ZNF76: variants seen among roughly 807,000 people sequenced by gnomAD.
ZNF76 encodes the protein zinc finger protein 76.
In ZNF76, 66 loss-of-function variants were observed where a neutral mutation model predicts 66.9. The ratio of observed to expected loss-of-function variants is 0.99; its 90% CI spans 0.81 to 1.21. The LOEUF is 1.21. Among genes scored for constraint, ZNF76 ranks in the 50% most tolerant of loss-of-function variants. The pLI is 0.00. For synonymous variants in ZNF76, 275 were observed against 296.1 expected (o/e 0.93, Z 0.73); for missense variants, 729 against 760.3 (o/e 0.96, Z 0.48).
rs1205026291 is a variant in ZNF76, at chr6:35,295,462, T to C, written c.*214T>C. ...CTGGAATCAGGGGAGTGCATCATCC[T>C]CGGGAGCTGACAACAGCCAGGCTAC... On this transcript the variant is annotated 3_prime_UTR_variant, in exon 14 of 14. Transcript: ENST00000373953. 7 of 582,584 alleles carry C rather than the reference T, an allele frequency of 1.2e-5. No individual in the cohort carries two copies. The highest frequency in any genetic ancestry group is 2.2e-5 in the Non-Finnish European group (7 of 316,766). 36.1% of individuals were successfully genotyped at this position (582,584 alleles called of 1,614,324 possible). A position where few individuals can be genotyped will look rare whatever the true frequency, so the allele number is the denominator to read the frequency against.
In ZNF76 at chr6:35,292,620, A is replaced by ATAAG; in HGVS notation, c.999_1002dup (p.His335Ter). 1 of 1,614,028 alleles carries ATAAG rather than the reference A, an allele frequency of 6.2e-7. No individual in the cohort carries two copies. Among genetic ancestry groups the ATAAG allele is most frequent in the Non-Finnish European group, 8.5e-7 (1 of 1,180,034 alleles). ...CGCTTCACCGAGTACTCGAGCTTGT[A>ATAAG]TAAGCACCACGTGGTGCACACACAC... On this transcript the variant is annotated frameshift_variant, in exon 10 of 14. Transcript: ENST00000373953. LOFTEE classifies it high-confidence loss of function. The surrounding 1 kb of genome is among the most constrained non-coding windows in gnomAD (Gnocchi z 4.7).
chr6:35,278,031 T>C (rs1788173925), intron 1 of ZNF76, among the ~76,000 whole-genome samples: 1 of 152,086 alleles, frequency 6.6e-6, no homozygotes, highest in East Asian at 1.9e-4. Flanking sequence ...TAATTTTTTG[T>C]ATTTTTAGTA....
intron 1 of ZNF76, among the ~76,000 whole-genome samples, chr6:35,260,219 T>C (rs1258288307): frequency 6.6e-6 from 1 of 152,062 alleles, no homozygotes; most frequent in Non-Finnish European, 1.5e-5. Context: ...TCAGTTTTAA[T>C]CCGGTGACTC....
At chr6:35,267,729 G>C (rs1428971366) in intron 1 of ZNF76, among the ~76,000 whole-genome samples, 3 of 152,234 alleles carry the variant, frequency 2.0e-5, no homozygotes, top group African/African-American at 7.2e-5. Context: ...TGGGGCTGGA[G>C]TGTGACATTA....
At chr6:35,288,554 G>A (rs1006205829) in intron 5 of ZNF76, among the ~76,000 whole-genome samples, 4 of 152,218 alleles carry the variant, frequency 2.6e-5, no homozygotes, top group African/African-American at 7.2e-5. Context: ...CTTCCTGCAC[G>A]TTCCTTCCTT....
chr6:35,293,958 C>T (rs1446374437), intron 12 of ZNF76, 43 bp downstream of exon 12: 1 of 1,604,938 alleles, frequency 6.2e-7, no homozygotes, highest in African/African-American at 1.3e-5. Context: ...TTTTGTCATT[C>T]CTTTCCATGG....
intron 1 of ZNF76, among the ~76,000 whole-genome samples, chr6:35,260,361 C>T (rs1785049161): frequency 6.6e-6 from 1 of 152,008 alleles, no homozygotes. Context: ...ACTCTGCTGG[C>T]GACTCCTAAG....
intron 2 of ZNF76, among the ~76,000 whole-genome samples, chr6:35,282,419 G>A (rs1788912330): frequency 6.6e-6 from 1 of 151,768 alleles, no homozygotes; most frequent in Non-Finnish European, 1.5e-5. Flanking sequence ...TGGGCATCCT[G>A]TATTTTATCT....
At chr6:35,290,753 G>A in intron 7 of ZNF76, 37 bp downstream of exon 7, 1 of 1,605,400 alleles carries the variant, frequency 6.2e-7, no homozygotes, top group East Asian at 2.2e-5. Context: ...GTTGAGGGTG[G>A]AGGGTTCTCG....
At chr6:35,285,424 G>T (rs1397134225) in intron 2 of ZNF76, among the ~76,000 whole-genome samples, 1 of 152,192 alleles carries the variant, frequency 6.6e-6, no homozygotes, top group Admixed American at 6.5e-5. Flanking sequence ...ATTGAGGGCT[G>T]ACCATATATA....
At chr6:35,281,766 TAA>T (rs890178378) in intron 2 of ZNF76, among the ~76,000 whole-genome samples, 1 of 151,200 alleles carries the variant, frequency 6.6e-6, no homozygotes, top group Non-Finnish European at 1.5e-5. Context: ...CTCTTGTCTC[TAA>T]AAAAAATAAT....
intron 1 of ZNF76, among the ~76,000 whole-genome samples, chr6:35,264,239 A>G (rs1204075574): frequency 6.6e-6 from 1 of 152,266 alleles, no homozygotes; most frequent in Admixed American, 6.5e-5. Context: ...GATAATGGGC[A>G]TGTCCCTTGA....
In ZNF76 at chr6:35,291,624, A is replaced by C. The variant is rs768110016; in HGVS notation, c.818A>C (p.Lys273Thr). 1.2e-6 allele frequency: 2 copies of C among 1,614,024 alleles called. No individual in the cohort carries two copies. The highest frequency in any genetic ancestry group is 2.2e-5 in the South Asian group (2 of 91,082). The change falls in exon 9 of 14, where the codon AAG (lysine) becomes ACG (threonine). Residue 273 changes from lysine (K) to threonine (T), a missense_variant. Coordinates refer to ENST00000373953, the MANE Select transcript of ZNF76 (RefSeq NM_003427.5). Reference protein sequence around the residue: ...GRSFTTSNIRKVHVRTHTGER... With the variant: ...GRSFTTSNIRTVHVRTHTGER... ...TCCTTCACCACATCTAACATCCGCAAGGTACATGTGCGCACCCACACAGGC... is the reference window on the plus strand; with the variant it reads ...TCCTTCACCACATCTAACATCCGCACGGTACATGTGCGCACCCACACAGGC...
rs377305004 is a variant in ZNF76 at position 35,287,861 on chromosome 6, G to C, written c.432+16G>C. 7.0e-6 allele frequency: 11 copies of C among 1,568,208 alleles called. No individual in the cohort carries two copies. Among genetic ancestry groups the C allele is most frequent in the Non-Finnish European group, 9.5e-6 (11 of 1,156,994 alleles). On this transcript the variant is annotated intron_variant, in intron 5 of 13. Coordinates refer to ENST00000373953, the MANE Select transcript of ZNF76 (RefSeq NM_003427.5). The surrounding 1 kb of genome is among the most constrained non-coding windows in gnomAD (Gnocchi z 4.0). ...TGCCAGCAAGGTGAGCACGCACAGC[G>C]TGACACGGTCTGTCACTCTAGACAA...
intron 1 of ZNF76, among the ~76,000 whole-genome samples, chr6:35,263,029 C>A (rs1785475045): frequency 1.3e-5 from 2 of 152,324 alleles, no homozygotes; most frequent in South Asian, 4.1e-4. Context: ...CAGGTCTGCT[C>A]CTTTCTTCCT....
intron 13 of ZNF76, 171 bp from the exon 14 acceptor site, chr6:35,294,973 G>C: frequency 1.6e-6 from 1 of 607,580 alleles, no homozygotes; most frequent in Non-Finnish European, 2.9e-6. Context: ...AGCCTAATAG[G>C]ACTCTTCATC....
At chr6:35,283,492 A>C (rs1255685013) in intron 2 of ZNF76, among the ~76,000 whole-genome samples, 8 of 152,236 alleles carry the variant, frequency 5.3e-5, no homozygotes, top group African/African-American at 1.9e-4. Flanking sequence ...AAAGTGGAAG[A>C]ATGTGCTATT....
intron 5 of ZNF76, chr6:35,288,179 C>A: frequency 1.9e-6 from 1 of 529,876 alleles, no homozygotes; most frequent in Non-Finnish European, 3.6e-6. Flanking sequence ...ACTTTGGCTG[C>A]TGTAGTAATC....
intron 1 of ZNF76, among the ~76,000 whole-genome samples, chr6:35,269,297 A>G (rs1256544333): frequency 6.6e-6 from 1 of 151,290 alleles, no homozygotes; most frequent in African/African-American, 2.4e-5. Context: ...AAAAAAAAAA[A>G]AAAAAATGTA....
Sources: allele counts gnomAD v4.1 joint callset (sites outside exome capture counted in the v4.1 genomes callset), GRCh38; gene constraint gnomAD v4.1.1; non-coding constraint Gnocchi (gnomAD v3.1); transcripts MANE v1.5; gene names NCBI Gene and HGNC (gene_info 2026-07-23, HGNC 2026-07-21).